TFG: variants seen among roughly 807,000 people sequenced by gnomAD.
TFG encodes the protein trafficking from ER to golgi regulator.
In TFG, 22 loss-of-function variants were observed where a neutral mutation model predicts 51.4. The observed-to-expected ratio is 0.43, with a 90% CI of 0.31 to 0.61. TFG has a LOEUF of 0.61. Ranked by LOEUF, TFG falls within the 20% of genes least tolerant of loss-of-function variation. TFG has a pLI of 0.12. For missense variants in TFG, 419 were observed against 487.7 expected, an observed-to-expected ratio of 0.86 and a Z score of 1.33; for synonymous variants, 187 against 165.6, an observed-to-expected ratio of 1.13 and a Z score of -0.99.
chr3:100,748,407 G>A lies in TFG; in HGVS notation c.1079G>A (p.Arg360Lys), dbSNP rs753259754. Residue 360 changes from arginine (R) to lysine (K), a missense_variant, in exon 8 of 8, where the codon AGA becomes AAA. Around this residue, in one of 3 missense-constraint regions of TFG, gnomAD observed 391 missense variants for 434.4 expected, o/e 0.90. Coordinates refer to ENST00000240851, the MANE Select transcript of TFG (RefSeq NM_006070.6). ...AGCCAACCTGGGGCCTATCAACCAA[G>A]ACCAGGTTTTACTTCACTTCCTGGA... ...APSQPGAYQP[R>K]PGFTSLPGST... is the part of the protein sequence containing the mutation. The A allele has an allele frequency of 1.7e-5, 28 of 1,613,956 alleles. No individual in the cohort carries two copies. The East Asian group carries it at 5.8e-4, about 33-fold the overall frequency.
At chr3:100,747,008 T>C (rs2095136608) in intron 7 of TFG, among the ~76,000 whole-genome samples, 3 of 152,346 alleles carry the variant, frequency 2.0e-5, no homozygotes, top group South Asian at 4.1e-4. Context: ...GATTTACTTA[T>C]TAAGAACTAA....
At chr3:100,721,106 G>C (rs2095059636) in intron 3 of TFG, among the ~76,000 whole-genome samples, 1 of 152,052 alleles carries the variant, frequency 6.6e-6, no homozygotes, top group Non-Finnish European at 1.5e-5. Flanking sequence ...TAAAATAAAG[G>C]TATCTTTTTA....
At chr3:100,741,855 G>T (rs1426443400) in intron 6 of TFG, among the ~76,000 whole-genome samples, 1 of 152,112 alleles carries the variant, frequency 6.6e-6, no homozygotes, top group Non-Finnish European at 1.5e-5. Context: ...ATTCAGTACA[G>T]GAACATGCTC....
Position 100,713,856 on chromosome 3 carries a change from G to A in TFG, c.171G>A (p.Lys57=), listed in dbSNP as rs201326908. The change falls in exon 2 of 8, where the codon AAG becomes AAA. Residue 57 remains lysine (K), a synonymous_variant. Transcript: ENST00000240851. The part of the protein sequence containing the change: ...KLLSNDEVTI[K]YKDEDGDLIT... ...TGAGTAATGATGAAGTAACAATAAAGTATAAAGATGAAGGTAAGAGTGTTT... is the reference window on the plus strand; with the variant it reads ...TGAGTAATGATGAAGTAACAATAAAATATAAAGATGAAGGTAAGAGTGTTT... 5.3e-6 allele frequency: 8 copies of A among 1,499,800 alleles called. No homozygotes were observed. In the East Asian group the frequency reaches 1.2e-4, roughly 23 times the overall value. 92.9% of individuals were successfully genotyped at this position (1,499,800 alleles called of 1,614,324 possible).
rs777654574 is a variant in TFG at position 100,732,642 on chromosome 3, G to A, written c.550G>A (p.Ala184Thr). 12 of 1,611,602 alleles carry A rather than the reference G, an allele frequency of 7.4e-6. No homozygotes were observed. Among genetic ancestry groups the A allele is most frequent in the Admixed American group, 1.7e-5 (1 of 59,638 alleles). ...TGAAATCAATAAAAATGTTATGTCA[G>A]CGTTTGGCTTAACAGATGATCAGGT... ...QDEINKNVMS[A>T]FGLTDDQVSG... The change falls in exon 5 of 8, where the codon GCG (alanine) becomes ACG (threonine). Residue 184 changes from alanine (A) to threonine (T), a missense_variant. Ala to Thr is a moderately conservative substitution (Grantham distance 58, BLOSUM62 0). Coordinates refer to ENST00000240851, the MANE Select transcript of TFG (RefSeq NM_006070.6).
At chr3:100,748,010 G>A (rs1334922931) in intron 7 of TFG, 139 bp from the exon 8 acceptor site, 2 of 760,942 alleles carry the variant, frequency 2.6e-6, no homozygotes, top group African/African-American at 3.5e-5. Flanking sequence ...ATTATGTGAT[G>A]GAATCTACCA....
At chr3:100,722,278 C>T (rs1479711552) in intron 3 of TFG, among the ~76,000 whole-genome samples, 2 of 152,056 alleles carry the variant, frequency 1.3e-5, no homozygotes, top group Non-Finnish European at 2.9e-5. Context: ...AAATTAAATA[C>T]TAAGTGGATA....
chr3:100,731,416 A>G (rs1257115206), intron 4 of TFG, among the ~76,000 whole-genome samples: 2 of 152,168 alleles, frequency 1.3e-5, no homozygotes, highest in African/African-American at 4.8e-5. Context: ...ATGATTTTAA[A>G]TTTAACCTGC....
chr3:100,713,044 A>T (rs781269738), intron 1 of TFG, among the ~76,000 whole-genome samples: 32 of 152,212 alleles, frequency 2.1e-4, no homozygotes, highest in Admixed American at 9.8e-4. Context: ...GAACAGAATG[A>T]TACTAGGTTT....
chr3:100,732,374 G>A, intron 4 of TFG, 134 bp from the exon 5 acceptor site: 1 of 506,704 alleles, frequency 2.0e-6, no homozygotes, highest in Non-Finnish European at 3.3e-6. Flanking sequence ...AAAATGATCT[G>A]TAATCCTATA....
chr3:100,728,863 A>G lies in TFG; in HGVS notation c.415+5A>G. On this transcript the variant is annotated splice_donor_5th_base_variant and intron_variant, in intron 4 of 7. Coordinates refer to ENST00000240851, the MANE Select transcript of TFG (RefSeq NM_006070.6). ...CCACCAATATTCCTGAAAATGGTAA[A>G]CCCTGAATCCATTGTATTCTGACTT... The G allele has an allele frequency of 6.3e-7, 1 of 1,598,720 alleles. No individual in the cohort carries two copies. The highest frequency in any genetic ancestry group is 1.1e-5 in the South Asian group (1 of 88,508).
intron 6 of TFG, chr3:100,743,655 A>G (rs1174195366): frequency 2.0e-5 from 3 of 152,120 alleles, no homozygotes; most frequent in African/African-American, 7.2e-5. Context: ...ACATAGTTGT[A>G]TCTCCTTTAG....
chr3:100,737,724 A>T (rs1033192753), intron 6 of TFG, among the ~76,000 whole-genome samples: 1 of 152,164 alleles, frequency 6.6e-6, no homozygotes, highest in African/African-American at 2.4e-5. Context: ...CCACTTTTGG[A>T]ATAGAATCCT....
chr3:100,732,842 T>C (rs372494286), intron 5 of TFG, among the ~76,000 whole-genome samples, 170 bp downstream of exon 5: 12 of 152,142 alleles, frequency 7.9e-5, no homozygotes, highest in East Asian at 3.9e-4. Context: ...AAAGACTAAC[T>C]AGATTAAGAT....
chr3:100,732,756 T>G, intron 5 of TFG, 84 bp downstream of exon 5: 1 of 1,209,376 alleles, frequency 8.3e-7, no homozygotes, highest in South Asian at 1.6e-5. Context: ...AATTGAAGAA[T>G]AACTTGGATA....
At chr3:100,732,199 A>T (rs1455333095) in intron 4 of TFG, among the ~76,000 whole-genome samples, 2 of 152,178 alleles carry the variant, frequency 1.3e-5, no homozygotes, top group African/African-American at 2.4e-5. Flanking sequence ...AAACCAAAAA[A>T]AGTAAAATGT....
chr3:100,730,319 A>G (rs1057409926), intron 4 of TFG, among the ~76,000 whole-genome samples: 2 of 152,100 alleles, frequency 1.3e-5, no homozygotes, highest in African/African-American at 4.8e-5. Flanking sequence ...GCTACTGTTT[A>G]TACTTTATTC....
intron 7 of TFG, among the ~76,000 whole-genome samples, chr3:100,747,648 A>G (rs1249369545): frequency 6.6e-6 from 1 of 152,212 alleles, no homozygotes; most frequent in Non-Finnish European, 1.5e-5. Flanking sequence ...CCAAATCTAA[A>G]AGGAATGATT....
intron 5 of TFG, among the ~76,000 whole-genome samples, chr3:100,735,278 C>G (rs1275849081): frequency 1.3e-5 from 2 of 152,132 alleles, no homozygotes; most frequent in Non-Finnish European, 2.9e-5. Context: ...GTGCCTAATA[C>G]TGTGGTAAGT....
Sources: allele counts gnomAD v4.1 joint callset (sites outside exome capture counted in the v4.1 genomes callset), GRCh38; gene constraint gnomAD v4.1.1; regional missense constraint gnomAD v4.1.1; transcripts MANE v1.5; gene names NCBI Gene and HGNC (gene_info 2026-07-23, HGNC 2026-07-21).